Variants in ZNF407 observed in about 807,000 individuals in gnomAD.
ZNF407 encodes the protein zinc finger protein 407.
Under a neutral mutation model 131.2 loss-of-function variants are expected in ZNF407, and 17 were observed. That is an observed-to-expected ratio of 0.13 (90% CI 0.09 to 0.19). ZNF407 has a LOEUF of 0.19. Among genes scored for constraint, ZNF407 ranks in the 10% least tolerant of loss-of-function variants. The pLI is 1.00. For synonymous variants in ZNF407, 1,156 were observed against 1,062.0 expected (o/e 1.09, Z -1.72); for missense variants, 2,681 against 2,830.6 (o/e 0.95, Z 1.20).
At chr18:74,856,030 T>C (rs999587216) in intron 4 of ZNF407, among the ~76,000 whole-genome samples, 2 of 152,236 alleles carry the variant, frequency 1.3e-5, no homozygotes, top group South Asian at 4.1e-4. Context: ...GTCTTGGCGA[T>C]TAGAACTTTC....
At chr18:74,934,576 A>G (rs576650433) in intron 8 of ZNF407, among the ~76,000 whole-genome samples, 1 of 152,364 alleles carries the variant, frequency 6.6e-6, no homozygotes, top group Non-Finnish European at 1.5e-5. Flanking sequence ...AGGGAGGCCA[A>G]GGCGGGTGGA....
intron 4 of ZNF407, among the ~76,000 whole-genome samples, chr18:74,827,089 T>A (rs1271039190): frequency 6.6e-6 from 1 of 152,230 alleles, no homozygotes; most frequent in Admixed American, 6.5e-5. Flanking sequence ...GTTCTTTAGT[T>A]TCTCCTTAAC....
At chr18:74,989,503 A>T (rs1972693110) in intron 8 of ZNF407, among the ~76,000 whole-genome samples, 1 of 152,218 alleles carries the variant, frequency 6.6e-6, no homozygotes, top group Non-Finnish European at 1.5e-5. Context: ...GAATTATCCT[A>T]CTTCCTTTCG....
intron 7 of ZNF407, among the ~76,000 whole-genome samples, chr18:74,920,173 C>T (rs1027356626): frequency 6.6e-6 from 1 of 152,182 alleles, no homozygotes; most frequent in Non-Finnish European, 1.5e-5. Context: ...TTTTGTACCA[C>T]TCCTCAGTGG....
intron 8 of ZNF407, among the ~76,000 whole-genome samples, chr18:75,005,044 G>C (rs1053054437): frequency 6.6e-6 from 1 of 152,206 alleles, no homozygotes; most frequent in Admixed American, 6.5e-5. Context: ...GTCTCAGCAA[G>C]ACTCATAAAT....
chr18:74,904,052 T>G (rs1404150612), intron 7 of ZNF407, among the ~76,000 whole-genome samples: 1 of 152,216 alleles, frequency 6.6e-6, no homozygotes, highest in Non-Finnish European at 1.5e-5. Context: ...TCTGTGGCCA[T>G]GAAGGCCCTT....
At chr18:74,791,171 T>C (rs924130958) in intron 4 of ZNF407, among the ~76,000 whole-genome samples, 1 of 152,206 alleles carries the variant, frequency 6.6e-6, no homozygotes, top group Non-Finnish European at 1.5e-5. Context: ...CTGACTGTCA[T>C]TTCCGTTAGT....
intron 8 of ZNF407, among the ~76,000 whole-genome samples, chr18:75,016,391 T>C (rs1426316686): frequency 6.6e-6 from 1 of 152,156 alleles, no homozygotes; most frequent in African/African-American, 2.4e-5. Flanking sequence ...TTCAACTTAT[T>C]TCACCATAAG....
chr18:74,870,980 A>T (rs1971078726), intron 4 of ZNF407, among the ~76,000 whole-genome samples: 1 of 152,192 alleles, frequency 6.6e-6, no homozygotes, highest in Non-Finnish European at 1.5e-5. Flanking sequence ...TTGTAATTTC[A>T]CTCAGATGTT....
chr18:74,822,728 G>A (rs572410536), intron 4 of ZNF407, among the ~76,000 whole-genome samples: 2 of 152,252 alleles, frequency 1.3e-5, no homozygotes, highest in Admixed American at 6.5e-5. Flanking sequence ...TTTTTGCTTA[G>A]GATTGTCTTG....
At chr18:74,880,700 TG>T (rs1971225338) in intron 5 of ZNF407, among the ~76,000 whole-genome samples, 1 of 151,570 alleles carries the variant, frequency 6.6e-6, no homozygotes, top group Non-Finnish European at 1.5e-5. Flanking sequence ...AAAGGCCAGA[TG>T]TATGGGAATT....
intron 4 of ZNF407, among the ~76,000 whole-genome samples, chr18:74,803,477 G>A (rs1056264477): frequency 6.6e-6 from 1 of 152,158 alleles, no homozygotes; most frequent in Non-Finnish European, 1.5e-5. Context: ...TCTCTATAAA[G>A]TACTGAAAGT....
chr18:74,780,756 CA>C (rs1176564141), intron 3 of ZNF407, among the ~76,000 whole-genome samples: 1 of 152,012 alleles, frequency 6.6e-6, no homozygotes, highest in Non-Finnish European at 1.5e-5. Context: ...GCACTGTGTT[CA>C]GGGGTAGAAT....
intron 4 of ZNF407, among the ~76,000 whole-genome samples, chr18:74,788,282 T>C (rs903561675): frequency 1.3e-5 from 2 of 152,184 alleles, no homozygotes; most frequent in Non-Finnish European, 2.9e-5. Context: ...GTAAAACCAA[T>C]ATTTTTCTGG....
intron 8 of ZNF407, among the ~76,000 whole-genome samples, chr18:74,945,775 G>C (rs1599257737): frequency 6.6e-6 from 1 of 151,962 alleles, no homozygotes; most frequent in Admixed American, 6.6e-5. Flanking sequence ...CTCTTACCCA[G>C]GCAAGGTGTC....
intron 3 of ZNF407, among the ~76,000 whole-genome samples, chr18:74,665,034 A>C (rs1985877755): frequency 6.6e-6 from 1 of 152,230 alleles, no homozygotes; most frequent in South Asian, 2.1e-4. Flanking sequence ...CCTCCGCAAT[A>C]AGGAGATTGT....
At chr18:74,907,828 A>G (rs1298040598) in intron 7 of ZNF407, among the ~76,000 whole-genome samples, 2 of 152,196 alleles carry the variant, frequency 1.3e-5, no homozygotes, top group South Asian at 2.1e-4. Context: ...ATACTATCAA[A>G]TGTTTTTCAA....
intron 8 of ZNF407, among the ~76,000 whole-genome samples, chr18:74,949,576 A>G (rs1446596848): frequency 1.3e-5 from 2 of 152,342 alleles, no homozygotes; most frequent in East Asian, 3.9e-4. Flanking sequence ...TGTTAGTAAA[A>G]TATCAGTACT....
intron 3 of ZNF407, among the ~76,000 whole-genome samples, chr18:74,745,975 G>A (rs570435362): frequency 2.4e-4 from 37 of 152,048 alleles, no homozygotes; most frequent in Non-Finnish European, 5.0e-4. Flanking sequence ...TAAATGATGG[G>A]GATATGTTCT....
Sources: gnomAD v4.1 joint callset for allele counts (sites outside exome capture counted in the v4.1 genomes callset) on GRCh38, gnomAD v4.1.1 for gene constraint, MANE v1.5 for transcripts, NCBI Gene and HGNC (gene_info 2026-07-23, HGNC 2026-07-21) for gene names.